Variants in CDH13 observed in about 807,000 individuals in gnomAD.
CDH13 encodes the protein cadherin 13.
Under a neutral mutation model 63.8 loss-of-function variants are expected in CDH13, and 24 were observed. The ratio of observed to expected loss-of-function variants is 0.38; its 90% CI spans 0.27 to 0.53. The LOEUF (loss-of-function observed/expected upper bound fraction) is 0.53, where lower values mean the gene tolerates loss of function less well. CDH13 is among the 20% of genes least tolerant of loss of function. CDH13 has a pLI of 0.85. For synonymous variants in CDH13, 503 were observed against 355.3 expected, an observed-to-expected ratio of 1.42 and a Z score of -4.67; for missense variants, 1,049 against 903.1, an observed-to-expected ratio of 1.16 and a Z score of -2.07.
At position 83,331,346 on chromosome 16, in the gene CDH13, C is replaced by G. The variant is rs1416146953; in HGVS notation, c.637-13516C>G. On this transcript the variant is annotated intron_variant, in intron 5 of 13. Transcript: ENST00000567109. ...TTTTTATAATCCCAAAACTGTAGAA[C>G]TGTAAAGACTAGAAAAGCCAGCCAC... 3.3e-5 allele frequency among the ~76,000 whole-genome samples: 5 copies of G among 152,182 alleles called. No homozygotes were observed. In the East Asian group the frequency reaches 9.6e-4, roughly 29 times the overall value.
intron 1 of CDH13, among the ~76,000 whole-genome samples, chr16:82,773,103 C>G (rs866859717): frequency 6.6e-6 from 1 of 152,212 alleles, no homozygotes; most frequent in South Asian, 2.1e-4. Flanking sequence ...TTTCATCTCT[C>G]AGAATCAGCT....
At chr16:83,212,994 T>C (rs1174401072) in intron 4 of CDH13, among the ~76,000 whole-genome samples, 2 of 152,176 alleles carry the variant, frequency 1.3e-5, no homozygotes, top group African/African-American at 4.8e-5. Context: ...GGGAACACCA[T>C]TCTTGGCTGT....
chr16:83,038,660 T>C (rs113158165), intron 3 of CDH13, among the ~76,000 whole-genome samples: 1 of 152,186 alleles, frequency 6.6e-6, no homozygotes, highest in Admixed American at 6.5e-5. Flanking sequence ...GTGTGTGTGT[T>C]TGTGTGCACA....
At chr16:82,663,902 C>G (rs1912277509) in intron 1 of CDH13, among the ~76,000 whole-genome samples, 4 of 152,278 alleles carry the variant, frequency 2.6e-5, no homozygotes, top group African/African-American at 9.6e-5. Flanking sequence ...GTCTTCTCTA[C>G]CCTCCCTCCT....
chr16:83,643,138 T>A, intron 8 of CDH13, among the ~76,000 whole-genome samples: 1 of 49,894 alleles, frequency 2.0e-5, no homozygotes, highest in African/African-American at 9.5e-5. Context: ...TGTGGTGGGG[T>A]CGGGGGAGGG....
intron 6 of CDH13, among the ~76,000 whole-genome samples, chr16:83,450,596 G>T (rs2072860108): frequency 6.6e-6 from 1 of 152,160 alleles, no homozygotes; most frequent in African/African-American, 2.4e-5. Context: ...GAGGGCCAGG[G>T]GCGGTGGCTT....
intron 6 of CDH13, among the ~76,000 whole-genome samples, chr16:83,463,909 C>T (rs947372231): frequency 6.6e-6 from 1 of 152,156 alleles, no homozygotes; most frequent in Admixed American, 6.5e-5. Context: ...CAGTGCAGTC[C>T]TTCTGTGTGG....
chr16:82,706,102 T>C (rs1188449657), intron 1 of CDH13, among the ~76,000 whole-genome samples: 3 of 151,988 alleles, frequency 2.0e-5, no homozygotes, highest in Admixed American at 2.0e-4. Flanking sequence ...CTTCCTGTCT[T>C]CCTCACTCCT....
intron 1 of CDH13, among the ~76,000 whole-genome samples, chr16:82,805,059 G>T (rs117057816): frequency 1.3e-5 from 2 of 152,192 alleles, no homozygotes; most frequent in South Asian, 2.1e-4. Context: ...ACACGGCATC[G>T]TTAAGTATCC....
intron 7 of CDH13, among the ~76,000 whole-genome samples, chr16:83,598,663 T>A (rs1237928534): frequency 6.6e-6 from 1 of 152,114 alleles, no homozygotes; most frequent in Admixed American, 6.6e-5. Context: ...ATGTATTAGC[T>A]CATAGAATTC....
Position 83,297,773 on chromosome 16 carries a change from A to G in CDH13, c.637-47089A>G, listed in dbSNP as rs531642343. ...ATCCTATGGATGAAGAAACATACAA[A>G]TGACCAAAGGAATGGAATAGGTAGA... On this transcript the variant is annotated intron_variant, in intron 5 of 13. Coordinates refer to ENST00000567109, the MANE Select transcript of CDH13 (RefSeq NM_001257.5). Among the ~76,000 whole-genome samples the G allele has an allele frequency of 1.4e-4, 22 of 152,350 alleles. No individual in the cohort carries two copies. In the South Asian group the frequency reaches 2.5e-3, roughly 17 times the overall value.
At chr16:82,701,479 G>T (rs556965870) in intron 1 of CDH13, among the ~76,000 whole-genome samples, 1 of 152,156 alleles carries the variant, frequency 6.6e-6, no homozygotes, top group South Asian at 2.1e-4. Flanking sequence ...AGCTTTCAGG[G>T]AAAAGAAAGG....
intron 6 of CDH13, among the ~76,000 whole-genome samples, chr16:83,425,063 C>T (rs765342381): frequency 1.3e-5 from 2 of 152,186 alleles, no homozygotes; most frequent in Non-Finnish European, 2.9e-5. Flanking sequence ...GCTATCACAC[C>T]ATAGCATGCT....
intron 1 of CDH13, among the ~76,000 whole-genome samples, chr16:82,737,033 G>C (rs1483186451): frequency 6.6e-6 from 1 of 152,066 alleles, no homozygotes; most frequent in Non-Finnish European, 1.5e-5. Flanking sequence ...AATATTCTCT[G>C]ACTTTCTATG....
intron 4 of CDH13, among the ~76,000 whole-genome samples, chr16:83,136,762 C>T (rs770981146): frequency 2.0e-5 from 3 of 152,176 alleles, no homozygotes; most frequent in Admixed American, 6.5e-5. Flanking sequence ...GATGATCAAA[C>T]ACCAGGGATG....
At chr16:83,147,300 G>A (rs1043816807) in intron 4 of CDH13, among the ~76,000 whole-genome samples, 3 of 152,160 alleles carry the variant, frequency 2.0e-5, no homozygotes, top group African/African-American at 7.2e-5. Flanking sequence ...GAAGGTCCGT[G>A]TGAGGCCTGA....
chr16:83,198,242 T>G (rs2038930994), intron 4 of CDH13, among the ~76,000 whole-genome samples: 1 of 152,046 alleles, frequency 6.6e-6, no homozygotes, highest in Non-Finnish European at 1.5e-5. Flanking sequence ...TACAGCACTC[T>G]TTTTAGTATA....
At chr16:83,065,569 G>T (rs2031937934) in intron 3 of CDH13, among the ~76,000 whole-genome samples, 1 of 152,074 alleles carries the variant, frequency 6.6e-6, no homozygotes, top group African/African-American at 2.4e-5. Flanking sequence ...GCCAGGTGTG[G>T]TGGTGCACGC....
intron 1 of CDH13, among the ~76,000 whole-genome samples, chr16:82,804,646 G>C (rs73604894): frequency 6.6e-6 from 1 of 152,032 alleles, no homozygotes; most frequent in South Asian, 2.1e-4. Flanking sequence ...AGGAGACACT[G>C]TATGTATGAA....
Sources: allele counts gnomAD v4.1 joint callset (sites outside exome capture counted in the v4.1 genomes callset), GRCh38; gene constraint gnomAD v4.1.1; transcripts MANE v1.5; gene names NCBI Gene and HGNC (gene_info 2026-07-23, HGNC 2026-07-21).